The following TPH2 variants were observed in gnomAD, a reference collection of about 807,000 sequenced individuals.
The protein encoded by TPH2 is tryptophan 5-hydroxylase 2.
A neutral mutation model predicts 59.1 loss-of-function variants in TPH2; 27 were observed. The ratio of observed to expected loss-of-function variants is 0.46; its 90% confidence interval spans 0.34 to 0.63. TPH2 has a LOEUF of 0.63. TPH2 is among the 30% of genes least tolerant of loss of function. The pLI is 0.01. For missense variants in TPH2, 523 were observed against 588.3 expected (o/e 0.89, Z 1.15); for synonymous variants, 220 against 210.5 (o/e 1.05, Z -0.39).
chr12:72,022,579 C>A, intron 9 of TPH2, 85 bp downstream of exon 9: 1 of 1,053,420 alleles, frequency 9.5e-7, no homozygotes, highest in Non-Finnish European at 1.5e-6. Flanking sequence ...CTGAGCATTT[C>A]TACTCACAGA....
chr12:72,014,212 T>A (rs1873176134), intron 8 of TPH2, among the ~76,000 whole-genome samples: 1 of 151,420 alleles, frequency 6.6e-6, no homozygotes, highest in Non-Finnish European at 1.5e-5. Context: ...CACAGAACCA[T>A]GTTAGTGAGG....
chr12:71,941,664 C>G lies in TPH2; in HGVS notation c.186C>G (p.Gly62=), dbSNP rs767008104. 15 of 1,614,064 alleles carry G rather than the reference C, an allele frequency of 9.3e-6. No individual in the cohort carries two copies. The highest frequency in any genetic ancestry group is 1.3e-5 in the Non-Finnish European group (15 of 1,179,990). Reference sequence around the variant, plus strand: ...AACGTGAAGCTGCTACCGAAAGTGGCAAGACAGCAGTTGTTTTCTCCTTGA... The same window carrying G: ...AACGTGAAGCTGCTACCGAAAGTGGGAAGACAGCAGTTGTTTTCTCCTTGA... ...SSKREAATES[G]KTAVVFSLKN... is the part of the protein sequence containing the mutation. The change falls in exon 2 of 11, where the codon GGC becomes GGG. Residue 62 remains glycine, a synonymous_variant. Transcript: ENST00000333850.
chr12:72,015,237 T>A (rs574786150), intron 8 of TPH2, among the ~76,000 whole-genome samples: 1 of 151,184 alleles, frequency 6.6e-6, no homozygotes, highest in Non-Finnish European at 1.5e-5. Flanking sequence ...AAAAACTAGA[T>A]GGAAAAATGT....
chr12:72,031,413 G>A, intron 10 of TPH2, 22 bp downstream of exon 10: 1 of 1,613,282 alleles, frequency 6.2e-7, no homozygotes, highest in Non-Finnish European at 8.5e-7. Context: ...TTTCCTCCTA[G>A]CTAGAGAAAA....
intron 7 of TPH2, 44 bp downstream of exon 7, chr12:71,979,131 G>A (rs1872201612): frequency 1.9e-6 from 3 of 1,612,612 alleles, no homozygotes; most frequent in African/African-American, 2.7e-5. Context: ...CCATAAAGTG[G>A]TCAATGATCC....
intron 9 of TPH2, among the ~76,000 whole-genome samples, chr12:72,024,619 A>G (rs1873518974): frequency 6.6e-6 from 1 of 152,186 alleles, no homozygotes; most frequent in Admixed American, 6.5e-5. Context: ...AGCTGTGTCT[A>G]TTTACATCCT....
At chr12:71,969,953 T>A (rs1370026912) in intron 5 of TPH2, among the ~76,000 whole-genome samples, 1 of 152,168 alleles carries the variant, frequency 6.6e-6, no homozygotes, top group Admixed American at 6.5e-5. Flanking sequence ...ATGGGCCAAT[T>A]CATATAAAAA....
intron 2 of TPH2, 118 bp from the exon 3 acceptor site, chr12:71,944,176 A>T (rs956506310): frequency 1.0e-6 from 1 of 995,062 alleles, no homozygotes; most frequent in South Asian, 1.4e-5. Flanking sequence ...GAACAAAGAG[A>T]TTGTCTCTTC....
chr12:71,975,274 G>A (rs1592394356), intron 6 of TPH2, among the ~76,000 whole-genome samples: 1 of 152,256 alleles, frequency 6.6e-6, no homozygotes, highest in East Asian at 1.9e-4. Context: ...GAACTTGGGA[G>A]GCAGAAGATG....
chr12:72,026,917 A>G (rs140513863), intron 9 of TPH2, among the ~76,000 whole-genome samples: 2,444 of 152,294 alleles, frequency 0.016, 34 homozygotes, highest in Middle Eastern at 0.037. Flanking sequence ...CACATAATGC[A>G]TTTACACATA....
intron 8 of TPH2, among the ~76,000 whole-genome samples, chr12:72,003,112 T>G (rs142487831): frequency 1.6e-4 from 25 of 152,332 alleles, no homozygotes; most frequent in Admixed American, 1.5e-3. Flanking sequence ...CCTACCTGGC[T>G]GGGGATGGGG....
At chr12:72,016,894 G>A (rs1873269269) in intron 8 of TPH2, among the ~76,000 whole-genome samples, 1 of 152,080 alleles carries the variant, frequency 6.6e-6, no homozygotes, top group Admixed American at 6.6e-5. Context: ...GAACATTCAA[G>A]GACCCTCAGG....
intron 8 of TPH2, among the ~76,000 whole-genome samples, chr12:72,001,573 G>A (rs1481843040): frequency 6.6e-6 from 1 of 151,872 alleles, no homozygotes; most frequent in Non-Finnish European, 1.5e-5. Context: ...TTACAGGCAT[G>A]TGCCCGGCTA....
At chr12:72,010,589 T>C (rs1207530242) in intron 8 of TPH2, among the ~76,000 whole-genome samples, 2 of 152,164 alleles carry the variant, frequency 1.3e-5, no homozygotes, top group Non-Finnish European at 1.5e-5. Context: ...TCTCGTCAGT[T>C]TTCAGACACG....
chr12:71,962,714 T>A, intron 5 of TPH2: 1 of 968,610 alleles, frequency 1.0e-6, no homozygotes, highest in Non-Finnish European at 1.2e-6. Flanking sequence ...ACAAATATTA[T>A]TTTTTTGTTT....
rs78338794 is a variant in TPH2 at position 71,956,407 on chromosome 12, T to C, written c.608+6752T>C. ...TCATTTAACTTGTTCCCTCCCTCCC[T>C]CTCCTTCCCTCTCTCCCTCCCTCCC... is the stretch of plus-strand genomic sequence containing the variant. On this transcript the variant is annotated intron_variant, in intron 5 of 10. Transcript: ENST00000333850. 3.9e-3 allele frequency among the ~76,000 whole-genome samples: 532 copies of C among 135,568 alleles called. 8 individuals carry two copies. Among genetic ancestry groups the C allele is most frequent in the African/African-American group, 0.014 (505 of 36,334 alleles). The allele number at this position is 135,568 out of a possible 152,430, so 88.9% of individuals were successfully genotyped here. A position where few individuals can be genotyped will look rare whatever the true frequency, so the allele number is the denominator to read the frequency against.
intron 4 of TPH2, 74 bp from the exon 5 acceptor site, chr12:71,949,514 G>A (rs1871286500): frequency 1.6e-6 from 2 of 1,255,800 alleles, no homozygotes; most frequent in Non-Finnish European, 2.3e-6. Flanking sequence ...AGACACCACA[G>A]TGATTTTCTT....
chr12:71,945,059 G>A (rs1871165060), intron 4 of TPH2, among the ~76,000 whole-genome samples: 1 of 152,114 alleles, frequency 6.6e-6, no homozygotes, highest in African/African-American at 2.4e-5. Context: ...GGTATTATGG[G>A]GCTCAGTGAG....
intron 5 of TPH2, among the ~76,000 whole-genome samples, chr12:71,961,197 A>C (rs977765641): frequency 6.6e-6 from 1 of 152,200 alleles, no homozygotes. Flanking sequence ...TATTGTACTT[A>C]CTAGCTGTTT....
Sources: gnomAD v4.1 joint callset for allele counts (sites outside exome capture counted in the v4.1 genomes callset) on GRCh38, gnomAD v4.1.1 for gene constraint, MANE v1.5 for transcripts, NCBI Gene and HGNC (gene_info 2026-07-23, HGNC 2026-07-21) for gene names.